BCL9: variants seen among roughly 807,000 people sequenced by gnomAD.
BCL9 encodes the protein BCL9 transcription coactivator.
A neutral mutation model predicts 88.5 loss-of-function variants in BCL9; 25 were observed. The ratio of observed to expected loss-of-function variants is 0.28; its 90% CI spans 0.21 to 0.39. The LOEUF is 0.39. Ranked by LOEUF, BCL9 falls within the 10% of genes least tolerant of loss-of-function variation. The pLI, the probability that BCL9 is intolerant of heterozygous loss-of-function variation, is 1.00. For synonymous variants in BCL9, 711 were observed against 673.3 expected, an observed-to-expected ratio of 1.06 and a Z score of -0.87; for missense variants, 1,817 against 1,877.8, an observed-to-expected ratio of 0.97 and a Z score of 0.60.
chr1:147,576,694 T>C (rs1414709882), intron 1 of BCL9, among the ~76,000 whole-genome samples: 2 of 152,124 alleles, frequency 1.3e-5, no homozygotes, highest in East Asian at 1.9e-4. Context: ...TGTGTGGCGA[T>C]TTATCTCAAT....
At position 147,611,562 on chromosome 1, in the gene BCL9, T is replaced by C. The variant is rs1459681918; in HGVS notation, c.-259-16T>C. 3 of 477,352 alleles carry C rather than the reference T, an allele frequency of 6.3e-6. No individual in the cohort carries two copies. Among genetic ancestry groups the C allele is most frequent in the Non-Finnish European group, 1.1e-5 (3 of 264,636 alleles). 29.6% of individuals were successfully genotyped at this position (477,352 alleles called of 1,614,324 possible). On this transcript the variant is annotated splice_polypyrimidine_tract_variant and intron_variant, in intron 3 of 9. Coordinates refer to ENST00000234739, the MANE Select transcript of BCL9 (RefSeq NM_004326.4). ...GTTTTTGCTCCCAACTTTTTTTGGG[T>C]GGCCTTTTCCTGTAGTATGCCCTGG...
intron 1 of BCL9, among the ~76,000 whole-genome samples, chr1:147,547,255 C>T (rs587675980): frequency 6.6e-6 from 1 of 152,148 alleles, no homozygotes; most frequent in South Asian, 2.1e-4. Context: ...TAAGCTGCTT[C>T]TGAAATGTGA....
intron 3 of BCL9, among the ~76,000 whole-genome samples, chr1:147,607,465 T>G (rs1553202146): frequency 6.6e-6 from 1 of 152,200 alleles, no homozygotes; most frequent in African/African-American, 2.4e-5. Context: ...GTGGGAGAGA[T>G]GAATGTTACA....
intron 1 of BCL9, among the ~76,000 whole-genome samples, chr1:147,542,877 A>G (rs1466941644): frequency 2.0e-5 from 3 of 152,198 alleles, no homozygotes; most frequent in Admixed American, 1.3e-4. Context: ...CAGGGCATGC[A>G]GACGCATCTG....
chr1:147,597,212 G>C (rs1258064237), intron 1 of BCL9, among the ~76,000 whole-genome samples: 8 of 152,246 alleles, frequency 5.3e-5, no homozygotes, highest in East Asian at 1.9e-4. Flanking sequence ...AGTTTATCAA[G>C]AACGGAGGAA....
At chr1:147,565,293 A>G (rs892592611) in intron 1 of BCL9, among the ~76,000 whole-genome samples, 2 of 152,234 alleles carry the variant, frequency 1.3e-5, no homozygotes, top group African/African-American at 4.8e-5. Flanking sequence ...GCTCAAGCCC[A>G]TGCAACTCTT....
rs587775080 is a variant in BCL9 at position 147,560,561 on chromosome 1, C to T, written c.-478+18887C>T. Among the ~76,000 whole-genome samples the T allele has an allele frequency of 3.7e-4, 55 of 149,130 alleles. No individual in the cohort carries two copies. In the South Asian group the frequency reaches 4.2e-3, roughly 11 times the overall value. ...GGCGGAGGTTGCAGTGAGCCGAGAT[C>T]GCACCATCACACTCCAGCCTGGGGG... is the stretch of plus-strand genomic sequence containing the variant. On this transcript the variant is annotated intron_variant, in intron 1 of 9. Coordinates refer to ENST00000234739, the MANE Select transcript of BCL9 (RefSeq NM_004326.4).
chr1:147,607,880 A>G (rs781831195), intron 3 of BCL9, among the ~76,000 whole-genome samples: 21 of 152,194 alleles, frequency 1.4e-4, no homozygotes, highest in South Asian at 4.1e-4. Context: ...GTGTATACAG[A>G]TCTGCTGGAA....
chr1:147,578,549 A>G (rs1161869541), intron 1 of BCL9, among the ~76,000 whole-genome samples: 1 of 152,210 alleles, frequency 6.6e-6, no homozygotes, highest in Non-Finnish European at 1.5e-5. Flanking sequence ...AATCTGAAAC[A>G]TTTCTGATCA....
intron 1 of BCL9, among the ~76,000 whole-genome samples, chr1:147,561,301 C>T (rs183728054): frequency 6.6e-6 from 1 of 152,128 alleles, no homozygotes; most frequent in South Asian, 2.1e-4. Context: ...CCATGGATAG[C>T]GGGGAGGCAC....
At chr1:147,573,101 G>A (rs1165464691) in intron 1 of BCL9, among the ~76,000 whole-genome samples, 2 of 152,192 alleles carry the variant, frequency 1.3e-5, no homozygotes, top group Non-Finnish European at 2.9e-5. Flanking sequence ...TTCTCCATAG[G>A]ATGGAGGACT....
At position 147,619,792 on chromosome 1, in the gene BCL9, C is replaced by G. The variant is rs782671101; in HGVS notation, c.1637C>G (p.Pro546Arg). The change falls in exon 8 of 10, where the codon CCG becomes CGG. Residue 546 changes from proline to arginine, a missense_variant. This residue lies in a region of BCL9 where 1,228 missense variants were observed against 1,191.6 expected (regional missense o/e 1.03). Coordinates refer to ENST00000234739, the MANE Select transcript of BCL9 (RefSeq NM_004326.4). This position sits in a 1 kb window ranked among gnomAD's most constrained non-coding sequence, Gnocchi z 4.1. ...DGINMPHSLP[P>R]RGMAPHPNMP... ...ATCAACATGCCACATTCTCTGCCCC[C>G]GAGGGGCATGGCTCCCCACCCCAAC... The G allele has an allele frequency of 5.0e-6, 8 of 1,614,140 alleles. No individual in the cohort carries two copies. Among genetic ancestry groups the G allele is most frequent in the Non-Finnish European group, 6.8e-6 (8 of 1,180,016 alleles).
At chr1:147,553,921 A>G (rs587665063) in intron 1 of BCL9, among the ~76,000 whole-genome samples, 2 of 152,304 alleles carry the variant, frequency 1.3e-5, no homozygotes, top group East Asian at 3.9e-4. Context: ...AGTGCAAACT[A>G]ATGTACACTG....
At chr1:147,584,875 C>T (rs1175170909) in intron 1 of BCL9, among the ~76,000 whole-genome samples, 1 of 152,186 alleles carries the variant, frequency 6.6e-6, no homozygotes, top group Non-Finnish European at 1.5e-5. Flanking sequence ...AACCGTGGTT[C>T]TCATTCATAA....
chr1:147,623,227 C>T (rs1658738160), intron 9 of BCL9, among the ~76,000 whole-genome samples: 1 of 144,872 alleles, frequency 6.9e-6, no homozygotes, highest in Admixed American at 7.0e-5. Context: ...GTACCAGGAA[C>T]AGCATAAGCC....
At chr1:147,569,972 G>T (rs1655801574) in intron 1 of BCL9, among the ~76,000 whole-genome samples, 1 of 152,188 alleles carries the variant, frequency 6.6e-6, no homozygotes, top group Non-Finnish European at 1.5e-5. Context: ...AGTCACAGGA[G>T]AAGATTAGTT....
At chr1:147,608,532 A>C (rs890243800) in intron 3 of BCL9, among the ~76,000 whole-genome samples, 1 of 152,016 alleles carries the variant, frequency 6.6e-6, no homozygotes, top group Admixed American at 6.5e-5. Flanking sequence ...ATAGAAAAGA[A>C]AGAGGAGATA....
intron 1 of BCL9, among the ~76,000 whole-genome samples, chr1:147,571,383 G>A (rs1229307237): frequency 3.3e-5 from 5 of 152,096 alleles, no homozygotes; most frequent in Non-Finnish European, 7.4e-5. Context: ...AGACCAACCT[G>A]ACACCACCCT....
rs1658694808 is a variant in BCL9 at position 147,622,452 on chromosome 1, T to C, written c.3084T>C (p.Ala1028=). The C allele has an allele frequency of 6.2e-7, 1 of 1,614,162 alleles. No individual in the cohort carries two copies. The highest frequency in any genetic ancestry group is 8.5e-7 in the Non-Finnish European group (1 of 1,180,032). Residue 1028 remains alanine, a synonymous_variant, in exon 9 of 10, where the codon GCT becomes GCC. Transcript: ENST00000234739. The part of the protein sequence containing the change: ...MPSSTPLYHD[A]IKTVASSDDD... ...GTTCCACCCCGTTATACCATGATGC[T>C]ATCAAGACTGTGGCCAGCTCAGATG...
Sources: gnomAD v4.1 joint callset for allele counts (sites outside exome capture counted in the v4.1 genomes callset) on GRCh38, gnomAD v4.1.1 for gene constraint, gnomAD v4.1.1 regional missense constraint, Gnocchi (gnomAD v3.1) non-coding constraint, MANE v1.5 for transcripts, NCBI Gene and HGNC (gene_info 2026-07-23, HGNC 2026-07-21) for gene names.